The following ZBTB1 variants were observed in gnomAD, a reference collection of about 807,000 sequenced individuals.
ZBTB1 encodes zinc finger and BTB domain containing 1.
A neutral mutation model predicts 51.6 loss-of-function variants in ZBTB1; 13 were observed. The observed-to-expected ratio is 0.25, with a 90% CI of 0.16 to 0.40. The LOEUF is 0.40. ZBTB1 is among the 10% of genes least tolerant of loss of function. The probability of loss-of-function intolerance (pLI) is 1.00; values close to 1 mark genes in which losing one functional copy is unlikely to be tolerated. For missense variants in ZBTB1, 567 were observed against 856.5 expected (o/e 0.66, Z 4.22); for synonymous variants, 240 against 282.2 (o/e 0.85, Z 1.50).
At chr14:64,518,936 A>ATATATATATATATATATATATATATT (rs1742006787) in intron 1 of ZBTB1, among the ~76,000 whole-genome samples, 1 of 136,906 alleles carries the variant, frequency 7.3e-6, no homozygotes, top group Admixed American at 7.4e-5. Flanking sequence ...ATATATATAT[A>ATATATATATATATATATATATATATT]GTATGATACC....
At chr14:64,527,610 C>CA (rs1268852597), downstream of ZBTB1, among the ~76,000 whole-genome samples, 271 of 136,398 alleles carry the variant, frequency 2.0e-3, 1 homozygote, top group East Asian at 9.6e-3. Context: ...GACTCCATCT[C>CA]AAAAAAAAAA....
rs1295993273 is a variant in ZBTB1 at position 64,504,954 on chromosome 14, T to C, written c.-19+8T>C. The C allele has an allele frequency of 2.5e-6, 1 of 395,042 alleles. No individual in the cohort carries two copies. The highest frequency in any genetic ancestry group is 4.5e-6 in the Non-Finnish European group (1 of 223,442). 24.5% of individuals were successfully genotyped at this position (395,042 alleles called of 1,614,324 possible). A position where few individuals can be genotyped will look rare whatever the true frequency, so the allele number is the denominator to read the frequency against. ...TGGTTCCTGTTGCGGCCGGTAAGTA[T>C]TTGCCAGTTGTGGGGCTATTTGCGC... On this transcript the variant is annotated splice_region_variant and intron_variant, in intron 1 of 1. Transcript: ENST00000683701.
chr14:64,508,706 T>G (rs1401667239), intron 1 of ZBTB1, among the ~76,000 whole-genome samples: 1 of 152,212 alleles, frequency 6.6e-6, no homozygotes, highest in Non-Finnish European at 1.5e-5. Context: ...AGATCAGTTG[T>G]ATAATGTATG....
exon 3 of ZBTB1, chr14:64,533,630 A>G (rs987189802): frequency 2.0e-5 from 3 of 152,532 alleles, no homozygotes; most frequent in Non-Finnish European, 4.4e-5. Context: ...AAGTACTTTT[A>G]TTACATTTCT....
intron 1 of ZBTB1, among the ~76,000 whole-genome samples, chr14:64,510,772 A>G (rs2079716491): frequency 6.6e-6 from 1 of 152,220 alleles, no homozygotes; most frequent in African/African-American, 2.4e-5. Flanking sequence ...GAGGGGAACC[A>G]TGGTAGAATA....
upstream of ZBTB1, chr14:64,504,627 G>A (rs983422774): frequency 6.4e-6 from 2 of 312,528 alleles, no homozygotes; most frequent in African/African-American, 2.2e-5. Flanking sequence ...AGCAGCCAGC[G>A]GCAGAGTGGG....
intron 1 of ZBTB1, among the ~76,000 whole-genome samples, chr14:64,509,664 T>A (rs1156323189): frequency 2.0e-5 from 3 of 152,022 alleles, no homozygotes; most frequent in African/African-American, 7.2e-5. Context: ...AACAATACAA[T>A]TTTTTTTAAA....
At chr14:64,521,361 A>G in intron 1 of ZBTB1, 126 bp from the exon 2 acceptor site, 1 of 676,366 alleles carries the variant, frequency 1.5e-6, no homozygotes, top group African/African-American at 1.9e-5. Flanking sequence ...GAGTTTTATT[A>G]GAATGGAAAG....
At chr14:64,513,822 G>A (rs571312459) in intron 1 of ZBTB1, among the ~76,000 whole-genome samples, 5 of 152,168 alleles carry the variant, frequency 3.3e-5, no homozygotes, top group East Asian at 1.9e-4. Context: ...TATCATGCCC[G>A]GCTGATTTTT....
downstream of ZBTB1, among the ~76,000 whole-genome samples, chr14:64,528,716 T>C (rs2079922611): frequency 1.3e-5 from 2 of 152,224 alleles, no homozygotes; most frequent in Admixed American, 1.3e-4. Flanking sequence ...AGCATCCATT[T>C]ATTTAGCACT....
chr14:64,515,204 C>A (rs2079768050), intron 1 of ZBTB1, among the ~76,000 whole-genome samples: 1 of 152,126 alleles, frequency 6.6e-6, no homozygotes, highest in African/African-American at 2.4e-5. Flanking sequence ...ATCCAAATGA[C>A]ATTAAGTCCT....
chr14:64,513,413 C>T (rs777160796), intron 1 of ZBTB1, among the ~76,000 whole-genome samples: 8 of 152,046 alleles, frequency 5.3e-5, no homozygotes, highest in Non-Finnish European at 1.2e-4. Flanking sequence ...CTTCATCTAC[C>T]AGTCCAGTAA....
intron 1 of ZBTB1, among the ~76,000 whole-genome samples, chr14:64,505,899 T>C (rs1272803839): frequency 6.6e-6 from 1 of 152,210 alleles, no homozygotes; most frequent in Non-Finnish European, 1.5e-5. Flanking sequence ...CCTTTGACAC[T>C]CGAACCCAAG....
chr14:64,504,286 C>T (rs944427435), upstream of ZBTB1, among the ~76,000 whole-genome samples: 1 of 151,896 alleles, frequency 6.6e-6, no homozygotes, highest in Non-Finnish European at 1.5e-5. Context: ...ACTGGGCGAC[C>T]CTGAACCGAC....
chr14:64,523,053 C>G lies in ZBTB1; in HGVS notation c.1549C>G (p.Gln517Glu). 6.2e-7 allele frequency: 1 copy of G among 1,614,110 alleles called. No individual in the cohort carries two copies. The highest frequency in any genetic ancestry group is 1.3e-5 in the African/African-American group (1 of 75,010). The change falls in exon 2 of 2, where the codon CAG becomes GAG. Residue 517 changes from glutamine (Q) to glutamate (E), a missense_variant. This residue lies in a region of ZBTB1 where 329 missense variants were observed against 406.3 expected (regional missense o/e 0.81). Coordinates refer to ENST00000683701, the MANE Select transcript of ZBTB1 (RefSeq NM_001123329.2). The surrounding 1 kb of genome is among the most constrained non-coding windows in gnomAD (Gnocchi z 4.5). ...GGATGATTTTAGGGACAATCATTAC[C>G]AGATAAACAGTATCCAAAAAAAGCA... ...MLDDFRDNHY[Q>E]INSIQKKQLF...
intron 1 of ZBTB1, among the ~76,000 whole-genome samples, chr14:64,520,057 A>C (rs1188088577): frequency 6.6e-6 from 1 of 152,064 alleles, no homozygotes; most frequent in Non-Finnish European, 1.5e-5. Flanking sequence ...GCTGGAGTGC[A>C]GTGGTGCGAT....
chr14:64,525,012 T>A, downstream of ZBTB1: 1 of 835,546 alleles, frequency 1.2e-6, no homozygotes. Flanking sequence ...GGGATTTTAA[T>A]TAACTCCTAA....
chr14:64,524,147 A>T lies in ZBTB1; in HGVS notation c.*501A>T, dbSNP rs1423890857. 2 of 985,084 alleles carry T rather than the reference A, an allele frequency of 2.0e-6. No homozygotes were observed. Among genetic ancestry groups the T allele is most frequent in the African/African-American group, 3.5e-5 (2 of 57,206 alleles). 61.0% of individuals were successfully genotyped at this position (985,084 alleles called of 1,614,324 possible). A position where few individuals can be genotyped will look rare whatever the true frequency, so the allele number is the denominator to read the frequency against. ...CCTTATTAATGAAATTCATATTCTT[A>T]AATTGACAAGCTTATTAGGCAAGTT... On this transcript the variant is annotated 3_prime_UTR_variant, in exon 2 of 2. Transcript: ENST00000683701.
chr14:64,510,499 G>T (rs1221239756), intron 1 of ZBTB1, among the ~76,000 whole-genome samples: 1 of 152,212 alleles, frequency 6.6e-6, no homozygotes, highest in African/African-American at 2.4e-5. Context: ...TCTGCAGGAG[G>T]TGATAAACTG....
Sources: gnomAD v4.1 joint callset for allele counts (sites outside exome capture counted in the v4.1 genomes callset) on GRCh38, gnomAD v4.1.1 for gene constraint, gnomAD v4.1.1 regional missense constraint, Gnocchi (gnomAD v3.1) non-coding constraint, MANE v1.5 for transcripts, NCBI Gene and HGNC (gene_info 2026-07-23, HGNC 2026-07-21) for gene names.